MYOM2: variants seen among roughly 807,000 people sequenced by gnomAD.
MYOM2 encodes myomesin 2.
A neutral mutation model predicts 187.6 loss-of-function variants in MYOM2; 254 were observed. The ratio of observed to expected loss-of-function variants is 1.35; its 90% CI spans 1.22 to 1.50. The LOEUF is 1.50. Ranked by LOEUF, MYOM2 falls within the 40% of genes most tolerant of loss-of-function variation. The probability of loss-of-function intolerance (pLI) is 0.00; values close to 1 mark genes in which losing one functional copy is unlikely to be tolerated. For missense variants in MYOM2, 2,796 were observed against 1,924.0 expected (o/e 1.45, Z -8.48); for synonymous variants, 981 against 753.8 (o/e 1.30, Z -4.94).
intron 13 of MYOM2, among the ~76,000 whole-genome samples, chr8:2,081,322 TTG>T (rs1819619288): frequency 1.0e-3 from 141 of 137,216 alleles, no homozygotes; most frequent in Non-Finnish European, 7.4e-4. Context: ...AGAATGAGGT[TTG>T]ATTCTGGCCT....
chr8:2,045,565 G>A (rs572665505), intron 1 of MYOM2, among the ~76,000 whole-genome samples: 2 of 152,344 alleles, frequency 1.3e-5, no homozygotes, highest in Admixed American at 6.5e-5. Flanking sequence ...TTATAAAGGT[G>A]TGAAATAATA....
intron 6 of MYOM2, among the ~76,000 whole-genome samples, chr8:2,068,148 C>T (rs559844919): frequency 3.8e-4 from 57 of 150,094 alleles, no homozygotes; most frequent in African/African-American, 1.1e-3. Flanking sequence ...GAGAGCATAC[C>T]GGGGGGCGGC....
intron 18 of MYOM2, among the ~76,000 whole-genome samples, chr8:2,096,857 G>T (rs963574373): frequency 6.6e-6 from 1 of 152,208 alleles, no homozygotes; most frequent in Non-Finnish European, 1.5e-5. Context: ...ATTTCCCTGA[G>T]ACATTCTTGT....
At chr8:2,107,977 C>T (rs1265838430) in intron 23 of MYOM2, among the ~76,000 whole-genome samples, 1 of 152,224 alleles carries the variant, frequency 6.6e-6, no homozygotes, top group African/African-American at 2.4e-5. Flanking sequence ...AGATTTAGTT[C>T]ATTCCATGTA....
intron 30 of MYOM2, 79 bp from the exon 31 acceptor site, chr8:2,124,100 C>T (rs991868798): frequency 2.8e-5 from 38 of 1,362,832 alleles, no homozygotes; most frequent in Admixed American, 1.0e-4. Flanking sequence ...TTTCCTGCAT[C>T]GATTTAATTA....
At chr8:2,106,626 G>A (rs2116802937) in intron 23 of MYOM2, 29 bp downstream of exon 23, 2 of 1,511,306 alleles carry the variant, frequency 1.3e-6, no homozygotes, top group South Asian at 2.4e-5. Flanking sequence ...AACCTTGCCT[G>A]TTTTGGTTTT....
rs373870981 is a variant in MYOM2 at position 2,117,881 on chromosome 8, C to T, written c.3386-4C>T. The T allele has an allele frequency of 6.2e-6, 10 of 1,607,436 alleles. No individual in the cohort carries two copies. In the East Asian group the frequency reaches 6.7e-5, roughly 11 times the overall value. On this transcript the variant is annotated splice_polypyrimidine_tract_variant and splice_region_variant and intron_variant, in intron 27 of 36. Coordinates refer to ENST00000262113, the MANE Select transcript of MYOM2 (RefSeq NM_003970.4). ...TATGTTTTCTTCCCTTTTTTCCTCC[C>T]TAGGCCCTCATTTTGCTGAGTACTT... is the stretch of plus-strand genomic sequence containing the variant.
At chr8:2,118,603 C>T (rs1050105905) in intron 28 of MYOM2, among the ~76,000 whole-genome samples, 2 of 152,118 alleles carry the variant, frequency 1.3e-5, no homozygotes, top group African/African-American at 2.4e-5. Flanking sequence ...TTATGCAGGC[C>T]AGTGAGTGGG....
chr8:2,137,336 T>G (rs1475962183), intron 32 of MYOM2, among the ~76,000 whole-genome samples: 1 of 151,862 alleles, frequency 6.6e-6, no homozygotes, highest in East Asian at 1.9e-4. Flanking sequence ...ACAGAGCATT[T>G]CGTGCAGGAT....
At chr8:2,079,049 C>G in intron 12 of MYOM2, 116 bp downstream of exon 12, 1 of 943,862 alleles carries the variant, frequency 1.1e-6, no homozygotes, top group Non-Finnish European at 1.6e-6. Flanking sequence ...GCCCTGTGTG[C>G]AGAGCATAGC....
intron 27 of MYOM2, 100 bp downstream of exon 27, chr8:2,116,375 C>A: frequency 1.7e-6 from 2 of 1,165,562 alleles, no homozygotes; most frequent in South Asian, 1.6e-5. Flanking sequence ...CCAAGCAACC[C>A]TAAAGGCTGT....
intron 25 of MYOM2, among the ~76,000 whole-genome samples, chr8:2,111,133 G>GC (rs1297770980): frequency 6.6e-6 from 1 of 152,186 alleles, no homozygotes; most frequent in Non-Finnish European, 1.5e-5. Context: ...AGCACTTCCT[G>GC]CCTGCTGTAT....
intron 16 of MYOM2, among the ~76,000 whole-genome samples, chr8:2,093,569 A>C (rs1585892988): frequency 6.6e-6 from 1 of 152,252 alleles, no homozygotes; most frequent in East Asian, 1.9e-4. Flanking sequence ...AAGCCCCAGT[A>C]TTCGAGCCTA....
intron 31 of MYOM2, chr8:2,127,852 A>T (rs910305689): frequency 6.5e-6 from 1 of 153,452 alleles, no homozygotes; most frequent in African/African-American, 2.4e-5. Flanking sequence ...CAACTCTGTC[A>T]CGGAGGGGGC....
rs201108083 is a variant in MYOM2, at chr8:2,144,739, C to T, written c.4156C>T (p.Gln1386Ter). 9.3e-6 allele frequency: 15 copies of T among 1,613,960 alleles called. No homozygotes were observed. The highest frequency in any genetic ancestry group is 3.3e-5 in the Admixed American group (2 of 59,978). ...TTGGTTCAAGAACGACCAGGACATCCAGCTCAGCGAGCACTTCTCGGTGAA... is the reference window on the plus strand; with the variant it reads ...TTGGTTCAAGAACGACCAGGACATCTAGCTCAGCGAGCACTTCTCGGTGAA... ...VIWFKNDQDI[Q>*]LSEHFSVKVE... The change falls in exon 37 of 37, where the codon CAG becomes TAG. Residue 1386 changes from glutamine to a stop codon, truncating the protein, a stop_gained. Transcript: ENST00000262113. LOFTEE classifies it low-confidence loss of function (END_TRUNC).
At chr8:2,111,003 T>C (rs140685036) in intron 25 of MYOM2, among the ~76,000 whole-genome samples, 1 of 152,370 alleles carries the variant, frequency 6.6e-6, no homozygotes, top group African/African-American at 2.4e-5. Context: ...AACTATTGCC[T>C]ATGGGAGACT....
chr8:2,058,475 G>C (rs4875923), intron 5 of MYOM2, among the ~76,000 whole-genome samples: 1 of 152,042 alleles, frequency 6.6e-6, no homozygotes, highest in Admixed American at 6.5e-5. Flanking sequence ...AAAGTTTTGG[G>C]ACTGCAGATC....
intron 36 of MYOM2, 77 bp downstream of exon 36, chr8:2,143,533 C>T: frequency 1.9e-6 from 3 of 1,564,932 alleles, no homozygotes; most frequent in Non-Finnish European, 2.6e-6. Flanking sequence ...TGGGGCGGAG[C>T]AGAGGGAACC....
chr8:2,076,113 C>A (rs771970773), intron 10 of MYOM2, 28 bp from the exon 11 acceptor site: 1 of 1,599,780 alleles, frequency 6.3e-7, no homozygotes, highest in Non-Finnish European at 8.5e-7. Context: ...AAATGACAGG[C>A]GTGTGCCTTT....
Sources: allele counts gnomAD v4.1 joint callset (sites outside exome capture counted in the v4.1 genomes callset), GRCh38; gene constraint gnomAD v4.1.1; transcripts MANE v1.5; gene names NCBI Gene and HGNC (gene_info 2026-07-23, HGNC 2026-07-21).